The following POU6F2 variants were observed in gnomAD, a reference collection of about 807,000 sequenced individuals.
POU6F2 encodes POU class 6 homeobox 2, also known as POU domain, class 6, transcription factor 2.
In POU6F2, 31 loss-of-function variants were observed where a neutral mutation model predicts 71.3. That is an observed-to-expected ratio of 0.43 (90% CI 0.33 to 0.59). The LOEUF is 0.59. Among genes scored for constraint, POU6F2 ranks in the 20% least tolerant of loss-of-function variants. The pLI is 0.04. For missense variants in POU6F2, 783 were observed against 856.8 expected (o/e 0.91, Z 1.07); for synonymous variants, 347 against 355.7 (o/e 0.98, Z 0.27).
intron 2 of POU6F2, among the ~76,000 whole-genome samples, chr7:39,097,079 A>T (rs1439478646): frequency 6.6e-6 from 1 of 152,164 alleles, no homozygotes; most frequent in African/African-American, 2.4e-5. Context: ...ATGGTTATCA[A>T]GTTTTTAACA....
At chr7:39,072,893 C>T (rs1185161733) in intron 1 of POU6F2, among the ~76,000 whole-genome samples, 2 of 152,160 alleles carry the variant, frequency 1.3e-5, no homozygotes, top group Non-Finnish European at 2.9e-5. Flanking sequence ...GTGCACATGC[C>T]TAATCTACAT....
intron 1 of POU6F2, among the ~76,000 whole-genome samples, chr7:39,017,337 A>T (rs1430662241): frequency 1.3e-5 from 2 of 152,172 alleles, no homozygotes; most frequent in Admixed American, 1.3e-4. Flanking sequence ...GATTTATGTA[A>T]TCTATCTGGG....
chr7:39,245,515 G>GT (rs1228105304), intron 4 of POU6F2, among the ~76,000 whole-genome samples: 2 of 152,252 alleles, frequency 1.3e-5, no homozygotes, highest in African/African-American at 2.4e-5. Context: ...TTATGACTTG[G>GT]TTTTTTATCA....
intron 1 of POU6F2, among the ~76,000 whole-genome samples, chr7:39,039,874 G>A (rs571405115): frequency 6.1e-4 from 91 of 149,286 alleles, no homozygotes; most frequent in African/African-American, 2.1e-3. Context: ...AACTTGGTGT[G>A]ATATCGGATT....
chr7:39,053,659 T>C (rs1203977976), intron 1 of POU6F2, among the ~76,000 whole-genome samples: 1 of 152,168 alleles, frequency 6.6e-6, no homozygotes, highest in African/African-American at 2.4e-5. Context: ...GCCCATTTTT[T>C]TTCTATTCTT....
intron 2 of POU6F2, among the ~76,000 whole-genome samples, chr7:39,150,469 T>C (rs1421847757): frequency 1.4e-5 from 2 of 145,824 alleles, no homozygotes; most frequent in African/African-American, 5.1e-5. Context: ...TACATTTTTT[T>C]TTTTTTTTTT....
At chr7:39,200,399 A>C (rs7787601) in intron 2 of POU6F2, among the ~76,000 whole-genome samples, 56,680 of 152,080 alleles carry the variant, frequency 0.37, 10,892 homozygotes, top group South Asian at 0.49. Flanking sequence ...AAGCCATGGT[A>C]TATGTAAAAA....
rs1002396127 is a variant in POU6F2 at position 39,464,564 on chromosome 7, A to G, written c.2041A>G (p.Arg681Gly). ...EKLNYDREVV[R>G]VWFCNKRQAL... ...GCTGAACTATGACCGAGAAGTAGTT[A>G]GAGTTTGGTTCTGCAATAAGAGGCA... The change falls in exon 10 of 10, where the codon AGA (arginine) becomes GGA (glycine). Residue 681 changes from arginine to glycine, a missense_variant. Coordinates refer to ENST00000518318, the MANE Select transcript of POU6F2 (RefSeq NM_001370959.1). The surrounding 1 kb of genome is among the most constrained non-coding windows in gnomAD (Gnocchi z 4.1). 6.2e-7 allele frequency: 1 copy of G among 1,612,916 alleles called. No individual in the cohort carries two copies. The highest frequency in any genetic ancestry group is 8.5e-7 in the Non-Finnish European group (1 of 1,179,490).
intron 7 of POU6F2, among the ~76,000 whole-genome samples, chr7:39,450,248 G>T (rs1241838834): frequency 6.6e-6 from 1 of 152,174 alleles, no homozygotes; most frequent in Non-Finnish European, 1.5e-5. Context: ...TGTTTTGGGG[G>T]TAGCTCTCCC....
chr7:39,026,757 T>A (rs1306880710), intron 1 of POU6F2, among the ~76,000 whole-genome samples: 1 of 152,018 alleles, frequency 6.6e-6, no homozygotes, highest in Non-Finnish European at 1.5e-5. Context: ...TAATAATTTT[T>A]AAAAAAACCT....
At chr7:39,360,244 C>A (rs892313677) in intron 5 of POU6F2, among the ~76,000 whole-genome samples, 2 of 152,200 alleles carry the variant, frequency 1.3e-5, no homozygotes, top group Non-Finnish European at 2.9e-5. Flanking sequence ...TTGAGATATA[C>A]TGCCCACAAT....
intron 1 of POU6F2, among the ~76,000 whole-genome samples, chr7:38,995,289 G>A (rs1490585687): frequency 1.3e-5 from 2 of 152,188 alleles, no homozygotes; most frequent in African/African-American, 4.8e-5. Context: ...TAAAGAAGCT[G>A]TCTTCCAAGA....
intron 4 of POU6F2, among the ~76,000 whole-genome samples, chr7:39,230,705 A>G (rs972912902): frequency 6.6e-6 from 1 of 152,238 alleles, no homozygotes; most frequent in Non-Finnish European, 1.5e-5. Flanking sequence ...CAGAATTGAT[A>G]CAAATAGTTT....
At chr7:39,176,002 C>T (rs542063323) in intron 2 of POU6F2, among the ~76,000 whole-genome samples, 149 of 152,296 alleles carry the variant, frequency 9.8e-4, no homozygotes, top group African/African-American at 3.4e-3. Flanking sequence ...ATCAAAGAAG[C>T]AGACTTTGGC....
chr7:39,010,422 T>G (rs1485844521), intron 1 of POU6F2, among the ~76,000 whole-genome samples: 1 of 151,566 alleles, frequency 6.6e-6, no homozygotes, highest in African/African-American at 2.4e-5. Context: ...CTTTTTTTCT[T>G]TATTAGTCTT....
intron 4 of POU6F2, among the ~76,000 whole-genome samples, chr7:39,264,278 G>C (rs1235655883): frequency 6.6e-6 from 1 of 152,218 alleles, no homozygotes; most frequent in Non-Finnish European, 1.5e-5. Context: ...ATTGGTGTTA[G>C]CTGTTAGTGA....
chr7:39,415,760 C>G (rs1787659335), intron 6 of POU6F2, among the ~76,000 whole-genome samples: 1 of 152,164 alleles, frequency 6.6e-6, no homozygotes, highest in African/African-American at 2.4e-5. Context: ...ATGCATTAAG[C>G]CTTCACCCTG....
At chr7:39,429,615 C>T (rs1297514425) in intron 6 of POU6F2, among the ~76,000 whole-genome samples, 3 of 152,168 alleles carry the variant, frequency 2.0e-5, no homozygotes, top group Admixed American at 6.5e-5. Flanking sequence ...GAATCCTCGG[C>T]ATTTCAGGAG....
intron 4 of POU6F2, among the ~76,000 whole-genome samples, chr7:39,233,057 G>A (rs558534044): frequency 3.3e-5 from 5 of 152,088 alleles, no homozygotes; most frequent in African/African-American, 4.8e-5. Context: ...GACAAATTAC[G>A]TGCAATTTAT....
Sources: gnomAD v4.1 joint callset for allele counts (sites outside exome capture counted in the v4.1 genomes callset) on GRCh38, gnomAD v4.1.1 for gene constraint, Gnocchi (gnomAD v3.1) non-coding constraint, MANE v1.5 for transcripts, NCBI Gene and HGNC (gene_info 2026-07-23, HGNC 2026-07-21) for gene names.